Variants in DYNC2H1 observed in about 807,000 individuals in gnomAD.
DYNC2H1 encodes dynein cytoplasmic 2 heavy chain 1.
A neutral mutation model predicts 570.0 loss-of-function variants in DYNC2H1; 410 were observed. The ratio of observed to expected loss-of-function variants is 0.72; its 90% CI spans 0.66 to 0.78. DYNC2H1 has a LOEUF of 0.78. Ranked by LOEUF, DYNC2H1 falls within the 30% of genes least tolerant of loss-of-function variation. DYNC2H1 has a pLI of 0.00. For missense variants in DYNC2H1, 4,865 were observed against 5,046.4 expected (o/e 0.96, Z 1.09); for synonymous variants, 1,688 against 1,677.6 (o/e 1.01, Z -0.15).
chr11:103,254,795 GGA>G lies in DYNC2H1; in HGVS notation c.10207-618_10207-617del. On this transcript the variant is annotated intron_variant, in intron 66 of 88. Coordinates refer to ENST00000375735, the MANE Select transcript of DYNC2H1 (RefSeq NM_001377.3). The surrounding 1 kb of genome is among the most constrained non-coding windows in gnomAD (Gnocchi z 4.9). ...TTATTTTATTTTATTTTTTTGAGACGGAGTCTGGCACTGTTGCCCAGGCTGGA... is the reference window on the plus strand; with the variant it reads ...TTATTTTATTTTATTTTTTTGAGACGGTCTGGCACTGTTGCCCAGGCTGGA... Among the ~76,000 whole-genome samples, 1 of 151,556 alleles carries G rather than the reference GGA, an allele frequency of 6.6e-6. No homozygotes were observed. The highest frequency in any genetic ancestry group is 1.9e-4 in the East Asian group (1 of 5,174).
chr11:103,308,885 A>G (rs1867429204), intron 78 of DYNC2H1, among the ~76,000 whole-genome samples: 1 of 152,098 alleles, frequency 6.6e-6, no homozygotes, highest in Non-Finnish European at 1.5e-5. Flanking sequence ...TATTCTGGAT[A>G]CTAATTGCTT....
intron 84 of DYNC2H1, among the ~76,000 whole-genome samples, chr11:103,423,432 A>AAAAAAAAAAAAAAAAAAAAT (rs1943559513): frequency 6.8e-6 from 1 of 147,628 alleles, no homozygotes; most frequent in Non-Finnish European, 1.5e-5. Flanking sequence ...AAAAAAAAAA[A>AAAAAAAAAAAAAAAAAAAAT]AAAAAACCCT....
chr11:103,477,187 A>C (rs1209854398), intron 88 of DYNC2H1, among the ~76,000 whole-genome samples: 4 of 152,192 alleles, frequency 2.6e-5, no homozygotes, highest in African/African-American at 9.7e-5. Flanking sequence ...ATTGTGTTCT[A>C]TTTTGCAAAG....
intron 84 of DYNC2H1, among the ~76,000 whole-genome samples, chr11:103,413,751 A>C (rs1943176399): frequency 6.6e-6 from 1 of 152,170 alleles, no homozygotes; most frequent in Non-Finnish European, 1.5e-5. Context: ...TATTATATGT[A>C]CTTATAATGT....
Position 103,177,877 on chromosome 11 carries a change from A to G in DYNC2H1, c.6139+57A>G. ...TTAGTAATTCTTAGATAATGATATA[A>G]TTTGTCTATAATGCTGTCTTTGTCA... On this transcript the variant is annotated intron_variant, in intron 38 of 88. Transcript: ENST00000375735. The surrounding 1 kb of genome is among the most constrained non-coding windows in gnomAD (Gnocchi z 4.4). The G allele has an allele frequency of 4.6e-6, 7 of 1,523,898 alleles. No homozygotes were observed. Among genetic ancestry groups the G allele is most frequent in the Non-Finnish European group, 5.3e-6 (6 of 1,137,240 alleles). 94.4% of individuals were successfully genotyped at this position (1,523,898 alleles called of 1,614,324 possible).
intron 46 of DYNC2H1, 112 bp from the exon 47 acceptor site, chr11:103,191,985 C>A: frequency 1.2e-6 from 1 of 831,598 alleles, no homozygotes; most frequent in Non-Finnish European, 1.7e-6. Context: ...TTCCATTTAT[C>A]TGATGCCAAA....
chr11:103,236,329 A>C, intron 62 of DYNC2H1, 101 bp from the exon 63 acceptor site: 1 of 730,006 alleles, frequency 1.4e-6, no homozygotes, highest in Non-Finnish European at 2.4e-6. Context: ...TCAAGTAAGG[A>C]CTGTCATAGG....
At chr11:103,279,605 T>C (rs1383430877) in intron 70 of DYNC2H1, among the ~76,000 whole-genome samples, 1 of 152,162 alleles carries the variant, frequency 6.6e-6, no homozygotes, top group Non-Finnish European at 1.5e-5. Context: ...TAATCTGTGT[T>C]GTAGTTTTCT....
chr11:103,372,206 T>G (rs1304331421), intron 83 of DYNC2H1, among the ~76,000 whole-genome samples: 1 of 151,768 alleles, frequency 6.6e-6, no homozygotes, highest in Non-Finnish European at 1.5e-5. Context: ...ATTTTTGTAT[T>G]TCTAGTTTGA....
At position 103,116,676 on chromosome 11, in the gene DYNC2H1, A is replaced by G; in HGVS notation, c.728A>G (p.Tyr243Cys). ...DVWRQTEHDHYPESRMLHLLD... is the reference protein window; with the variant it reads ...DVWRQTEHDHCPESRMLHLLD... ...TGGAGACAAACAGAACATGATCATT[A>G]TCCTGAGTCACGAATGTTGCATCTC... Residue 243 changes from tyrosine to cysteine, a missense_variant, in exon 5 of 89, where the codon TAT (tyrosine) becomes TGT (cysteine). Tyr to Cys is a radical substitution (Grantham distance 194). Transcript: ENST00000375735. The G allele has an allele frequency of 1.2e-6, 2 of 1,606,172 alleles. No homozygotes were observed. The highest frequency in any genetic ancestry group is 1.7e-6 in the Non-Finnish European group (2 of 1,175,602).
At chr11:103,434,939 A>G (rs1006497921) in intron 84 of DYNC2H1, among the ~76,000 whole-genome samples, 1 of 152,162 alleles carries the variant, frequency 6.6e-6, no homozygotes, top group Non-Finnish European at 1.5e-5. Flanking sequence ...AAACTGGCAT[A>G]GTATCACTTT....
chr11:103,196,624 G>A (rs1267403225), intron 47 of DYNC2H1, among the ~76,000 whole-genome samples: 1 of 152,056 alleles, frequency 6.6e-6, no homozygotes, highest in African/African-American at 2.4e-5. Flanking sequence ...GAGAATTTTA[G>A]AATTAAAAGA....
At chr11:103,290,698 G>C (rs1353464100) in intron 75 of DYNC2H1, among the ~76,000 whole-genome samples, 1 of 151,970 alleles carries the variant, frequency 6.6e-6, no homozygotes, top group East Asian at 1.9e-4. Flanking sequence ...CTATCTCTCT[G>C]TTTCTCCCTT....
At position 103,413,787 on chromosome 11, in the gene DYNC2H1, A is replaced by G. The variant is rs554233844; in HGVS notation, c.12366+13915A>G. Among the ~76,000 whole-genome samples, 3 of 152,240 alleles carry G rather than the reference A, an allele frequency of 2.0e-5. No homozygotes were observed. In the East Asian group the frequency reaches 5.8e-4, roughly 29 times the overall value. ...AAATCAATTTTTATTGATTTAAGGGAAAAAAGGGGCCTGCATATAACAAGA... is the reference window on the plus strand; with the variant it reads ...AAATCAATTTTTATTGATTTAAGGGGAAAAAGGGGCCTGCATATAACAAGA... On this transcript the variant is annotated intron_variant, in intron 84 of 88. Coordinates refer to ENST00000375735, the MANE Select transcript of DYNC2H1 (RefSeq NM_001377.3).
chr11:103,367,329 C>A (rs1008515721), intron 83 of DYNC2H1, among the ~76,000 whole-genome samples: 3 of 152,054 alleles, frequency 2.0e-5, no homozygotes, highest in African/African-American at 4.8e-5. Flanking sequence ...TTAAATAATT[C>A]TTTATACATA....
At chr11:103,322,270 A>C (rs1349216731) in intron 81 of DYNC2H1, among the ~76,000 whole-genome samples, 2 of 152,164 alleles carry the variant, frequency 1.3e-5, no homozygotes, top group Non-Finnish European at 2.9e-5. Context: ...CTATACATTT[A>C]ACTCAGATAG....
At chr11:103,370,665 C>T (rs1941109548) in intron 83 of DYNC2H1, among the ~76,000 whole-genome samples, 1 of 152,130 alleles carries the variant, frequency 6.6e-6, no homozygotes, top group Non-Finnish European at 1.5e-5. Flanking sequence ...GGGAAGAGAA[C>T]AAGAGTCCCT....
intron 55 of DYNC2H1, among the ~76,000 whole-genome samples, chr11:103,218,689 T>C (rs1863473534): frequency 6.6e-6 from 1 of 152,216 alleles, no homozygotes; most frequent in South Asian, 2.1e-4. Context: ...ACTCTCTGGC[T>C]AGTGACATTA....
intron 75 of DYNC2H1, among the ~76,000 whole-genome samples, chr11:103,291,339 G>A (rs759314256): frequency 5.3e-5 from 8 of 152,140 alleles, no homozygotes; most frequent in Non-Finnish European, 1.2e-4. Context: ...TCAGGAGGCT[G>A]AGGTGGGACA....
Sources: allele counts gnomAD v4.1 joint callset (sites outside exome capture counted in the v4.1 genomes callset), GRCh38; gene constraint gnomAD v4.1.1; non-coding constraint Gnocchi (gnomAD v3.1); transcripts MANE v1.5; gene names NCBI Gene and HGNC (gene_info 2026-07-23, HGNC 2026-07-21).